The following CUX2 variants were observed in gnomAD, a reference collection of about 807,000 sequenced individuals.
CUX2 encodes the protein homeobox protein cut-like 2.
Under a neutral mutation model 144.8 loss-of-function variants are expected in CUX2, and 40 were observed. That is an observed-to-expected ratio of 0.28 (90% CI 0.21 to 0.36). The LOEUF (loss-of-function observed/expected upper bound fraction) is 0.36, where lower values mean the gene tolerates loss of function less well. Among genes scored for constraint, CUX2 ranks in the 10% least tolerant of loss-of-function variants. The pLI is 1.00. For synonymous variants in CUX2, 827 were observed against 875.6 expected (o/e 0.94, Z 0.98); for missense variants, 1,615 against 1,994.0 (o/e 0.81, Z 3.62).
intron 18 of CUX2, among the ~76,000 whole-genome samples, chr12:111,334,014 C>T (rs1321197874): frequency 2.0e-5 from 3 of 151,636 alleles, no homozygotes; most frequent in Non-Finnish European, 4.4e-5. Flanking sequence ...GGTGAAACCC[C>T]GTCTCTACTA....
chr12:111,275,860 C>T (rs1374543455), intron 4 of CUX2, among the ~76,000 whole-genome samples: 2 of 152,118 alleles, frequency 1.3e-5, no homozygotes, highest in African/African-American at 4.8e-5. Context: ...TCAGGAGAGG[C>T]GGCCCAGGCT....
intron 1 of CUX2, among the ~76,000 whole-genome samples, chr12:111,155,896 C>T (rs1889127171): frequency 6.6e-6 from 1 of 151,536 alleles, no homozygotes; most frequent in South Asian, 2.1e-4. Context: ...ATTTGGAACA[C>T]ATCCCTGCCT....
rs1280177444 is a variant in CUX2 at position 111,109,454 on chromosome 12, G to A, written c.63+75214G>A. Reference sequence around the variant, plus strand: ...CAGTTACTGCCCTTATTTATGCTCCGACTGTCCCATCTCTGGCATGTGGGG... The same window carrying A: ...CAGTTACTGCCCTTATTTATGCTCCAACTGTCCCATCTCTGGCATGTGGGG... On this transcript the variant is annotated intron_variant, in intron 1 of 21. Transcript: ENST00000261726. 3.3e-5 allele frequency among the ~76,000 whole-genome samples: 5 copies of A among 152,076 alleles called. No individual in the cohort carries two copies. The East Asian group carries it at 5.8e-4, about 18-fold the overall frequency.
intron 1 of CUX2, among the ~76,000 whole-genome samples, chr12:111,104,495 G>A (rs1293385932): frequency 1.3e-5 from 2 of 152,192 alleles, no homozygotes; most frequent in Admixed American, 6.5e-5. Flanking sequence ...GGGAAAAGGG[G>A]AAGAGCCTGA....
At chr12:111,129,266 TGG>T (rs1875289758) in intron 1 of CUX2, among the ~76,000 whole-genome samples, 1 of 152,252 alleles carries the variant, frequency 6.6e-6, no homozygotes, top group Non-Finnish European at 1.5e-5. Context: ...ATAAGTGTCA[TGG>T]GCTAGGGTGA....
rs1869344301 is a variant in CUX2, at chr12:111,034,858, G to T, written c.63+618G>T. 6.7e-6 allele frequency among the ~76,000 whole-genome samples: 1 copy of T among 149,040 alleles called. No individual in the cohort carries two copies. Among genetic ancestry groups the T allele is most frequent in the Middle Eastern group, 3.4e-3 (1 of 290 alleles). On this transcript the variant is annotated intron_variant, in intron 1 of 21. Transcript: ENST00000261726. The surrounding 1 kb of genome is among the most constrained non-coding windows in gnomAD (Gnocchi z 4.2). ...CGCAGCCCGGACGCGCCGCCACCCG[G>T]GGGCCGCCGCCGCCGCCGCCAGAGC...
At chr12:111,153,762 C>T (rs1269379991) in intron 1 of CUX2, among the ~76,000 whole-genome samples, 1 of 152,130 alleles carries the variant, frequency 6.6e-6, no homozygotes, top group Middle Eastern at 3.2e-3. Flanking sequence ...TGGCCTCACC[C>T]CAGGAATGTA....
chr12:111,059,969 A>G lies in CUX2; in HGVS notation c.63+25729A>G, dbSNP rs1870693614. 6.6e-6 allele frequency among the ~76,000 whole-genome samples: 1 copy of G among 151,982 alleles called. No homozygotes were observed. The highest frequency in any genetic ancestry group is 2.1e-4 in the South Asian group (1 of 4,800). On this transcript the variant is annotated intron_variant, in intron 1 of 21. Transcript: ENST00000261726. The surrounding 1 kb of genome is among the most constrained non-coding windows in gnomAD (Gnocchi z 5.3). The stretch of plus-strand genomic sequence containing the variant: ...CTCCATTTAGAATCACTCCCGGGAA[A>G]TCATGGCAGGGAGGTGGCAGTGACT...
chr12:111,097,573 C>T (rs776425157), intron 1 of CUX2, among the ~76,000 whole-genome samples: 4 of 152,188 alleles, frequency 2.6e-5, no homozygotes, highest in East Asian at 3.8e-4. Context: ...TGTGCCTACC[C>T]GGGGCCAGAT....
At chr12:111,247,531 C>G (rs574129726) in intron 3 of CUX2, among the ~76,000 whole-genome samples, 7 of 152,210 alleles carry the variant, frequency 4.6e-5, no homozygotes, top group African/African-American at 1.7e-4. Flanking sequence ...ATGGCTACTG[C>G]AGCACAGGGC....
At chr12:111,095,327 C>A (rs370503583) in intron 1 of CUX2, among the ~76,000 whole-genome samples, 1 of 152,058 alleles carries the variant, frequency 6.6e-6, no homozygotes, top group Non-Finnish European at 1.5e-5. Flanking sequence ...GGTGAGGTGG[C>A]GCACGTCTGT....
At chr12:111,083,964 C>G (rs1326877569) in intron 1 of CUX2, among the ~76,000 whole-genome samples, 3 of 152,144 alleles carry the variant, frequency 2.0e-5, no homozygotes, top group Admixed American at 2.0e-4. Context: ...GCAGGGCCAT[C>G]TCCTCGAGTA....
At chr12:111,055,106 G>A (rs1242656378) in intron 1 of CUX2, among the ~76,000 whole-genome samples, 1 of 152,192 alleles carries the variant, frequency 6.6e-6, no homozygotes, top group Non-Finnish European at 1.5e-5. Flanking sequence ...TGTATCATTG[G>A]GACAGGGCTA....
intron 1 of CUX2, among the ~76,000 whole-genome samples, chr12:111,126,470 C>T (rs1175064409): frequency 1.3e-5 from 2 of 152,172 alleles, no homozygotes; most frequent in African/African-American, 2.4e-5. Context: ...GGCCAGCAGG[C>T]TCAAGAACCA....
At chr12:111,104,308 A>C (rs1873453343) in intron 1 of CUX2, among the ~76,000 whole-genome samples, 1 of 152,200 alleles carries the variant, frequency 6.6e-6, no homozygotes. Context: ...TGTTGAATGC[A>C]TGCATGGATT....
intron 1 of CUX2, among the ~76,000 whole-genome samples, chr12:111,163,766 C>G (rs1877939032): frequency 6.6e-6 from 1 of 152,170 alleles, no homozygotes. Context: ...CTCCTTCATC[C>G]CCCTGAATCC....
chr12:111,127,827 C>T (rs190635356), intron 1 of CUX2, among the ~76,000 whole-genome samples: 4 of 152,280 alleles, frequency 2.6e-5, no homozygotes, highest in Admixed American at 6.5e-5. Flanking sequence ...AGCAAATGCA[C>T]GTCTTACATG....
At chr12:111,219,575 T>G (rs552982543) in intron 3 of CUX2, among the ~76,000 whole-genome samples, 6 of 152,312 alleles carry the variant, frequency 3.9e-5, no homozygotes, top group African/African-American at 1.4e-4. Flanking sequence ...TCCCTTGGCC[T>G]CTTAGAGCCT....
intron 1 of CUX2, among the ~76,000 whole-genome samples, chr12:111,130,182 C>T (rs1257672958): frequency 6.6e-6 from 1 of 152,192 alleles, no homozygotes; most frequent in Non-Finnish European, 1.5e-5. Context: ...CTTAAGGGGA[C>T]CCGGCCTCCC....
Sources: gnomAD v4.1 joint callset for allele counts (sites outside exome capture counted in the v4.1 genomes callset) on GRCh38, gnomAD v4.1.1 for gene constraint, Gnocchi (gnomAD v3.1) non-coding constraint, MANE v1.5 for transcripts, NCBI Gene and HGNC (gene_info 2026-07-23, HGNC 2026-07-21) for gene names.